Variants in RBFOX1 observed in about 807,000 individuals in gnomAD.
RBFOX1 encodes RNA binding protein fox-1 homolog 1.
RBFOX1 carries 8 observed loss-of-function variants against 57.7 expected under a neutral mutation model. The observed-to-expected ratio is 0.14, with a 90% CI of 0.08 to 0.25. The LOEUF (loss-of-function observed/expected upper bound fraction) is 0.25, where lower values mean the gene tolerates loss of function less well. Among genes scored for constraint, RBFOX1 ranks in the 10% least tolerant of loss-of-function variants. RBFOX1 has a pLI of 1.00. For synonymous variants in RBFOX1, 326 were observed against 222.4 expected (o/e 1.47, Z -4.15); for missense variants, 611 against 548.5 (o/e 1.11, Z -1.14).
At chr16:6,824,428 T>C (rs765088191) in intron 3 of RBFOX1, among the ~76,000 whole-genome samples, 1 of 152,200 alleles carries the variant, frequency 6.6e-6, no homozygotes, top group Non-Finnish European at 1.5e-5. Context: ...AACAGTTATC[T>C]TACTGTCAAG....
chr16:5,429,097 A>C (rs1303374802), intron 1 of RBFOX1, among the ~76,000 whole-genome samples: 1 of 152,124 alleles, frequency 6.6e-6, no homozygotes, highest in African/African-American at 2.4e-5. Context: ...CCAGCCCTGC[A>C]CTGGGTCAGT....
At chr16:5,469,832 C>A (rs973745152) in intron 2 of RBFOX1, among the ~76,000 whole-genome samples, 2 of 152,308 alleles carry the variant, frequency 1.3e-5, no homozygotes, top group African/African-American at 4.8e-5. Context: ...TCGTAGCATT[C>A]TCTCCTTTTT....
At chr16:7,377,816 G>T (rs1315287169) in intron 4 of RBFOX1, among the ~76,000 whole-genome samples, 1 of 152,188 alleles carries the variant, frequency 6.6e-6, no homozygotes, top group Non-Finnish European at 1.5e-5. Flanking sequence ...AAACAAATAA[G>T]AAGGAATTGA....
chr16:6,371,978 G>C (rs1014530336), intron 2 of RBFOX1, among the ~76,000 whole-genome samples: 1 of 152,162 alleles, frequency 6.6e-6, no homozygotes. Flanking sequence ...CCATTGCCTA[G>C]GAAGATGTCT....
At chr16:6,764,207 T>G (rs2077014131) in intron 3 of RBFOX1, among the ~76,000 whole-genome samples, 1 of 152,154 alleles carries the variant, frequency 6.6e-6, no homozygotes, top group Admixed American at 6.5e-5. Flanking sequence ...CATCTGAACT[T>G]CATCTCAGTT....
chr16:7,691,113 G>A (rs910000012), intron 14 of RBFOX1, among the ~76,000 whole-genome samples: 1 of 152,002 alleles, frequency 6.6e-6, no homozygotes, highest in Non-Finnish European at 1.5e-5. Flanking sequence ...TGTTTATGTG[G>A]ATTAAAAAAT....
At chr16:7,251,996 A>C (rs1028828948) in intron 4 of RBFOX1, among the ~76,000 whole-genome samples, 2 of 152,216 alleles carry the variant, frequency 1.3e-5, no homozygotes, top group African/African-American at 2.4e-5. Flanking sequence ...TCTTCAAGGA[A>C]AATGCAAAAG....
upstream of RBFOX1, among the ~76,000 whole-genome samples, chr16:6,015,259 A>G (rs560098055): frequency 1.3e-5 from 2 of 152,300 alleles, no homozygotes; most frequent in African/African-American, 2.4e-5. Context: ...TAAAAATCCT[A>G]GAGTACTCTG....
chr16:7,013,855 A>C (rs1173179050), intron 3 of RBFOX1, among the ~76,000 whole-genome samples: 1 of 152,098 alleles, frequency 6.6e-6, no homozygotes, highest in African/African-American at 2.4e-5. Flanking sequence ...ATGGGGTCTC[A>C]CCATGTTACC....
chr16:5,799,127 G>T (rs1340896122), intron 3 of RBFOX1, among the ~76,000 whole-genome samples: 1 of 152,086 alleles, frequency 6.6e-6, no homozygotes, highest in Admixed American at 6.6e-5. Flanking sequence ...GCAGGTGAAA[G>T]GCACATCTTA....
intron 4 of RBFOX1, among the ~76,000 whole-genome samples, chr16:7,515,799 C>T (rs1936003385): frequency 6.6e-6 from 1 of 152,130 alleles, no homozygotes; most frequent in Non-Finnish European, 1.5e-5. Context: ...TCTAGGTTGG[C>T]CTCACGTGTA....
At chr16:5,431,944 G>A (rs1306697723) in intron 1 of RBFOX1, among the ~76,000 whole-genome samples, 2 of 152,144 alleles carry the variant, frequency 1.3e-5, no homozygotes, top group Non-Finnish European at 2.9e-5. Flanking sequence ...ACGGACAACG[G>A]AGACTTTTTG....
intron 11 of RBFOX1, among the ~76,000 whole-genome samples, chr16:7,636,686 G>T (rs1286571305): frequency 6.6e-6 from 1 of 152,190 alleles, no homozygotes; most frequent in Non-Finnish European, 1.5e-5. Flanking sequence ...AGACTGGGAG[G>T]CTTAAGCCAC....
intron 3 of RBFOX1, among the ~76,000 whole-genome samples, chr16:5,695,097 G>A (rs1280462570): frequency 2.0e-5 from 3 of 152,086 alleles, no homozygotes; most frequent in Admixed American, 2.0e-4. Context: ...ACAACAGTGT[G>A]TAAATGTCAC....
intron 3 of RBFOX1, among the ~76,000 whole-genome samples, chr16:6,911,359 A>T (rs760655120): frequency 6.6e-6 from 1 of 152,124 alleles, no homozygotes; most frequent in Non-Finnish European, 1.5e-5. Flanking sequence ...TCAAGGTGTC[A>T]GGAGGGTTGG....
At chr16:6,443,287 C>T (rs2094422944) in intron 2 of RBFOX1, among the ~76,000 whole-genome samples, 1 of 152,136 alleles carries the variant, frequency 6.6e-6, no homozygotes, top group Non-Finnish European at 1.5e-5. Flanking sequence ...TGCGTGCTAT[C>T]TCTCACGTTC....
At chr16:6,544,568 C>T (rs904012925) in intron 2 of RBFOX1, among the ~76,000 whole-genome samples, 3 of 152,192 alleles carry the variant, frequency 2.0e-5, no homozygotes, top group Non-Finnish European at 4.4e-5. Flanking sequence ...TTTCTCTTAG[C>T]ATTCGATCGT....
In RBFOX1 at chr16:7,052,197, G is replaced by A. The variant is rs1474776386; in HGVS notation, c.27+99G>A. The A allele has an allele frequency of 4.0e-6, 6 of 1,492,104 alleles. No individual in the cohort carries two copies. In the African/African-American group the frequency reaches 5.6e-5, roughly 14 times the overall value. 92.4% of individuals were successfully genotyped at this position (1,492,104 alleles called of 1,614,324 possible). A position where few individuals can be genotyped will look rare whatever the true frequency, so the allele number is the denominator to read the frequency against. The stretch of plus-strand genomic sequence containing the variant: ...CCAAGACACGGGTTCTAAATAACAG[G>A]CTTCATCTTAAGACTGGTAGAGTTG... On this transcript the variant is annotated intron_variant, in intron 4 of 15. Coordinates refer to ENST00000550418, the MANE Select transcript of RBFOX1 (RefSeq NM_018723.4).
At chr16:5,246,120 T>C (rs12598233) in intron 1 of RBFOX1, among the ~76,000 whole-genome samples, 1 of 152,244 alleles carries the variant, frequency 6.6e-6, no homozygotes, top group East Asian at 1.9e-4. Flanking sequence ...CACACACCTG[T>C]AATCCCAGCT....
Sources: gnomAD v4.1 joint callset for allele counts (sites outside exome capture counted in the v4.1 genomes callset) on GRCh38, gnomAD v4.1.1 for gene constraint, MANE v1.5 for transcripts, NCBI Gene and HGNC (gene_info 2026-07-23, HGNC 2026-07-21) for gene names.